Variants in LRRTM4 observed in about 807,000 individuals in gnomAD.
LRRTM4 encodes leucine rich repeat transmembrane neuronal 4.
A neutral mutation model predicts 47.6 loss-of-function variants in LRRTM4; 25 were observed. The observed-to-expected ratio is 0.53, with a 90% CI of 0.38 to 0.73. LRRTM4 has a LOEUF of 0.73. Among genes scored for constraint, LRRTM4 ranks in the 30% least tolerant of loss-of-function variants. The pLI is 0.00. For missense variants in LRRTM4, 638 were observed against 713.4 expected (o/e 0.89, Z 1.20); for synonymous variants, 311 against 269.5 (o/e 1.15, Z -1.51).
At chr2:76,764,866 A>C (rs533755187) in intron 3 of LRRTM4, among the ~76,000 whole-genome samples, 2 of 152,306 alleles carry the variant, frequency 1.3e-5, no homozygotes, top group South Asian at 4.1e-4. Context: ...TGCCCCTCCC[A>C]CCATAGGTCC....
chr2:77,186,044 T>A (rs1673495888), intron 3 of LRRTM4, among the ~76,000 whole-genome samples: 1 of 152,180 alleles, frequency 6.6e-6, no homozygotes, highest in African/African-American at 2.4e-5. Flanking sequence ...ATATTTAACA[T>A]AACAAAGCTA....
At chr2:77,421,623 C>T (rs1022138731) in intron 3 of LRRTM4, among the ~76,000 whole-genome samples, 2 of 151,952 alleles carry the variant, frequency 1.3e-5, no homozygotes, top group Admixed American at 1.3e-4. Context: ...AGGAGAATGG[C>T]GTGAACCCGG....
intron 3 of LRRTM4, among the ~76,000 whole-genome samples, chr2:77,381,369 A>G (rs1673044415): frequency 6.6e-6 from 1 of 152,096 alleles, no homozygotes; most frequent in African/African-American, 2.4e-5. Context: ...AATCTCTTGT[A>G]TAGATGATAT....
chr2:76,907,313 T>C (rs1289978328), intron 3 of LRRTM4, among the ~76,000 whole-genome samples: 2 of 150,720 alleles, frequency 1.3e-5, no homozygotes, highest in African/African-American at 4.9e-5. Context: ...AGACACAACA[T>C]ACCAGAATCT....
chr2:77,261,073 A>T (rs893695592), intron 3 of LRRTM4, among the ~76,000 whole-genome samples: 1 of 152,104 alleles, frequency 6.6e-6, no homozygotes, highest in Admixed American at 6.6e-5. Flanking sequence ...TGAGATCTGC[A>T]GTGGTGTTCA....
intron 3 of LRRTM4, among the ~76,000 whole-genome samples, chr2:77,319,145 G>T (rs1383319709): frequency 6.6e-6 from 1 of 152,136 alleles, no homozygotes; most frequent in Non-Finnish European, 1.5e-5. Context: ...GGCACTTTGG[G>T]AGGTTGAGGC....
At chr2:76,767,281 A>T (rs1355462372) in intron 3 of LRRTM4, among the ~76,000 whole-genome samples, 1 of 152,194 alleles carries the variant, frequency 6.6e-6, no homozygotes, top group Non-Finnish European at 1.5e-5. Context: ...TTAGAGGTGA[A>T]ATGACAAACT....
chr2:77,220,266 C>T (rs1204457722), intron 3 of LRRTM4, among the ~76,000 whole-genome samples: 2 of 152,090 alleles, frequency 1.3e-5, no homozygotes, highest in Non-Finnish European at 2.9e-5. Flanking sequence ...AAAAACAGAG[C>T]AGAAAAACCG....
chr2:77,117,501 C>T (rs1183815891), intron 3 of LRRTM4, among the ~76,000 whole-genome samples: 3 of 151,362 alleles, frequency 2.0e-5, no homozygotes, highest in African/African-American at 7.3e-5. Context: ...AAGTGCCATC[C>T]TTGTTTCTTA....
intron 3 of LRRTM4, among the ~76,000 whole-genome samples, chr2:76,978,451 C>A (rs963540494): frequency 4.6e-5 from 7 of 151,986 alleles, no homozygotes; most frequent in Non-Finnish European, 1.0e-4. Flanking sequence ...TTACAATGTT[C>A]TCCTTGCACA....
At chr2:77,348,293 TAATAC>T (rs764080138) in intron 3 of LRRTM4, among the ~76,000 whole-genome samples, 28 of 151,840 alleles carry the variant, frequency 1.8e-4, no homozygotes, top group East Asian at 7.7e-4. Flanking sequence ...AAGGTTTTCA[TAATAC>T]AATACAATAC....
At chr2:76,976,533 C>G (rs1330400299) in intron 3 of LRRTM4, among the ~76,000 whole-genome samples, 1 of 151,764 alleles carries the variant, frequency 6.6e-6, no homozygotes, top group African/African-American at 2.4e-5. Context: ...TCATTAGTCT[C>G]TCTTTTTAGC....
intron 3 of LRRTM4, among the ~76,000 whole-genome samples, chr2:76,884,472 C>G (rs1403552374): frequency 1.3e-5 from 2 of 152,100 alleles, no homozygotes; most frequent in Non-Finnish European, 2.9e-5. Context: ...ACTATAATTA[C>G]ATGTAAGTAT....
intron 3 of LRRTM4, among the ~76,000 whole-genome samples, chr2:77,287,880 G>A (rs529332724): frequency 6.6e-6 from 1 of 152,134 alleles, no homozygotes; most frequent in Admixed American, 6.6e-5. Flanking sequence ...TACTATCCGT[G>A]CCTTGGGCAC....
chr2:77,239,074 A>G (rs1270651770), intron 3 of LRRTM4, among the ~76,000 whole-genome samples: 2 of 151,832 alleles, frequency 1.3e-5, no homozygotes, highest in Non-Finnish European at 2.9e-5. Context: ...AGAGATTTAG[A>G]AATGGTCAAA....
chr2:76,782,132 C>T (rs1016275999), intron 3 of LRRTM4, among the ~76,000 whole-genome samples: 3 of 152,108 alleles, frequency 2.0e-5, no homozygotes, highest in Non-Finnish European at 4.4e-5. Context: ...ATCTTGCACC[C>T]GCATAAAAGC....
intron 3 of LRRTM4, among the ~76,000 whole-genome samples, chr2:77,139,027 C>A (rs1053307744): frequency 7.2e-5 from 11 of 152,240 alleles, no homozygotes; most frequent in African/African-American, 1.9e-4. Flanking sequence ...GATTCACAGA[C>A]AAATTCTACC....
chr2:76,915,721 A>C (rs1373023764), intron 3 of LRRTM4, among the ~76,000 whole-genome samples: 1 of 152,184 alleles, frequency 6.6e-6, no homozygotes, highest in East Asian at 1.9e-4. Flanking sequence ...TCTTTGAGCA[A>C]ATAAGTAAAA....
Position 77,046,883 on chromosome 2 carries a change from C to A in LRRTM4, c.1552-297967G>T, listed in dbSNP as rs539468555. Among the ~76,000 whole-genome samples, 24 of 152,044 alleles carry A rather than the reference C, an allele frequency of 1.6e-4. No individual in the cohort carries two copies. The East Asian group carries it at 4.7e-3, about 29-fold the overall frequency. The stretch of plus-strand genomic sequence containing the variant: ...TTTATCATCAAAGCAAATGAAGTGA[C>A]TTTGGCTGGATAAAAGAAAGGGAAG... On this transcript the variant is annotated intron_variant, in intron 3 of 3. Transcript: ENST00000409884.
Sources: allele counts gnomAD v4.1 joint callset (sites outside exome capture counted in the v4.1 genomes callset), GRCh38; gene constraint gnomAD v4.1.1; transcripts MANE v1.5; gene names NCBI Gene and HGNC (gene_info 2026-07-23, HGNC 2026-07-21).